DCTN1: variants seen among roughly 807,000 people sequenced by gnomAD.
DCTN1 encodes the protein 150 kDa dynein-associated polypeptide.
Under a neutral mutation model 161.2 loss-of-function variants are expected in DCTN1, and 61 were observed. The observed-to-expected ratio is 0.38, with a 90% CI of 0.31 to 0.47. The LOEUF (loss-of-function observed/expected upper bound fraction) is 0.47. DCTN1 is among the 20% of genes least tolerant of loss of function. The pLI, the probability that DCTN1 is intolerant of heterozygous loss-of-function variation, is 0.99. For synonymous variants in DCTN1, 653 were observed against 632.4 expected (o/e 1.03, Z -0.49); for missense variants, 1,404 against 1,623.7 (o/e 0.86, Z 2.33).
At position 74,370,006 on chromosome 2, in the gene DCTN1, CCAGATT is replaced by C; in HGVS notation, c.1345_1350del (p.Asn449_Leu450del). 1 of 1,614,180 alleles carries C rather than the reference CCAGATT, an allele frequency of 6.2e-7. No individual in the cohort carries two copies. Among genetic ancestry groups the C allele is most frequent in the Non-Finnish European group, 8.5e-7 (1 of 1,180,032 alleles). On this transcript the variant is annotated inframe_deletion, in exon 13 of 32. Transcript: ENST00000628224. The surrounding 1 kb of genome is among the most constrained non-coding windows in gnomAD (Gnocchi z 4.4). Reference sequence around the variant, plus strand: ...TCCCTCAACTCGCGCACTTTCTCTTCCAGATTCAGGTTCCGATCTGTCAGCATCTCC... The same window carrying C: ...TCCCTCAACTCGCGCACTTTCTCTTCCAGGTTCCGATCTGTCAGCATCTCC...
chr2:74,376,046 G>T (rs1675203599), intron 5 of DCTN1, among the ~76,000 whole-genome samples: 4 of 152,182 alleles, frequency 2.6e-5, no homozygotes, highest in African/African-American at 9.7e-5. Flanking sequence ...TGAGGAAGTG[G>T]TCATGGCAGT....
chr2:74,389,277 C>G (rs1675884904), intron 1 of DCTN1, among the ~76,000 whole-genome samples: 1 of 152,060 alleles, frequency 6.6e-6, no homozygotes, highest in Admixed American at 6.6e-5. Flanking sequence ...ATGGCAAGGA[C>G]CTTAATATAG....
At chr2:74,367,226 C>T in intron 19 of DCTN1, 119 bp from the exon 20 acceptor site, 1 of 1,529,564 alleles carries the variant, frequency 6.5e-7, no homozygotes, top group Non-Finnish European at 9.0e-7. Flanking sequence ...CCTCTAGTTT[C>T]CCTGATATGG....
chr2:74,374,151 AGGG>A (rs1326043000), intron 6 of DCTN1, 169 bp downstream of exon 6: 2 of 704,822 alleles, frequency 2.8e-6, no homozygotes, highest in Admixed American at 4.1e-5. Context: ...GCAAATGCCC[AGGG>A]TGTGGGGCAT....
chr2:74,368,151 G>A lies in DCTN1; in HGVS notation c.1855-20C>T, dbSNP rs1264667340. 1.3e-6 allele frequency: 2 copies of A among 1,568,410 alleles called. No individual in the cohort carries two copies. The highest frequency in any genetic ancestry group is 1.7e-6 in the Non-Finnish European group (2 of 1,156,104). On this transcript the variant is annotated intron_variant, in intron 16 of 31. Transcript: ENST00000628224. The stretch of plus-strand genomic sequence containing the variant: ...CTCTGCCTGTGGGAAAAAGCACCAG[G>A]AACCTGGGCCTCAGAGCAGAGGATG...
intron 16 of DCTN1, 172 bp downstream of exon 16, chr2:74,368,556 T>A: frequency 1.1e-6 from 1 of 903,652 alleles, no homozygotes. Flanking sequence ...CTATCTCTCC[T>A]TGAAAACACA....
Position 74,370,374 on chromosome 2 carries a change from G to A in DCTN1, c.1128-29C>T. 1 of 1,614,052 alleles carries A rather than the reference G, an allele frequency of 6.2e-7. No individual in the cohort carries two copies. Among genetic ancestry groups the A allele is most frequent in the Non-Finnish European group, 8.5e-7 (1 of 1,180,038 alleles). On this transcript the variant is annotated intron_variant, in intron 11 of 31. Coordinates refer to ENST00000628224, the MANE Select transcript of DCTN1 (RefSeq NM_004082.5). The surrounding 1 kb of genome is among the most constrained non-coding windows in gnomAD (Gnocchi z 4.4). ...CAGGGATGTGAGGAAGGCAGAAGGA[G>A]GAAAGCACGTGTCAGAGTCTCTGGC...
chr2:74,371,565 G>A lies in DCTN1; in HGVS notation c.617C>T (p.Ala206Val), dbSNP rs1215696548. 6.3e-7 allele frequency: 1 copy of A among 1,583,060 alleles called. No individual in the cohort carries two copies. Among genetic ancestry groups the A allele is most frequent in the South Asian group, 1.2e-5 (1 of 86,582 alleles). The change falls in exon 8 of 32, where the codon GCA becomes GTA. Residue 206 changes from alanine (A) to valine (V), a missense_variant. Around this residue, in one of 9 missense-constraint regions of DCTN1, gnomAD observed 174 missense variants for 175.6 expected, o/e 0.99. Transcript: ENST00000628224. ...GGATGGGGAAGGAAGCGGGGGGACT[G>A]CTCCAGGAGAGGTGAGGACCGGCGT... ...IPTPVLTSPG[A>V]VPPLPSPSKE...
At chr2:74,385,885 G>A (rs1352037312) in intron 1 of DCTN1, 1 of 152,182 alleles carries the variant, frequency 6.6e-6, no homozygotes, top group Non-Finnish European at 1.5e-5. Context: ...TAATCATTAT[G>A]TTATTATATA....
Position 74,365,640 on chromosome 2 carries a change from C to T in DCTN1, c.2904G>A (p.Glu968=), listed in dbSNP as rs754695859. The part of the protein sequence containing the change: ...SLKIKGEELS[E]ANVRLSLLEK... ...CCAGGAGGCTCAGCCGCACATTGGC[C>T]TCACTTAGCTCCTCTCCCTGGACAA... The change falls in exon 25 of 32, where the codon GAG becomes GAA. Residue 968 remains glutamate, a synonymous_variant. Coordinates refer to ENST00000628224, the MANE Select transcript of DCTN1 (RefSeq NM_004082.5). 6 of 1,614,152 alleles carry T rather than the reference C, an allele frequency of 3.7e-6. No homozygotes were observed. In the South Asian group the frequency reaches 5.5e-5, roughly 15 times the overall value.
Position 74,362,128 on chromosome 2 carries a change from T to A in DCTN1, c.3623A>T (p.Lys1208Met). ...TCCAGGGCGCTGAGATACTGTCTCC[T>A]TGAGGACCTCATCCTAGGGAAGGGG... is the stretch of plus-strand genomic sequence containing the variant. Reference protein sequence around the residue: ...TVEKLKDEVLKETVSQRPGAT... With the variant: ...TVEKLKDEVLMETVSQRPGAT... The change falls in exon 31 of 32, where the codon AAG becomes ATG. Residue 1208 changes from lysine to methionine, a missense_variant. By Grantham distance (95) the Lys-to-Met change is moderately conservative (BLOSUM62 -1). This residue lies in a region of DCTN1 where 311 missense variants were observed against 298.9 expected (regional missense o/e 1.04). Coordinates refer to ENST00000628224, the MANE Select transcript of DCTN1 (RefSeq NM_004082.5). 6.2e-7 allele frequency: 1 copy of A among 1,613,730 alleles called. No homozygotes were observed. Among genetic ancestry groups the A allele is most frequent in the African/African-American group, 1.3e-5 (1 of 75,020 alleles).
chr2:74,368,285 A>G, intron 16 of DCTN1, 154 bp from the exon 17 acceptor site: 1 of 1,005,202 alleles, frequency 9.9e-7, no homozygotes, highest in Non-Finnish European at 1.5e-6. Flanking sequence ...GGAATCTTGC[A>G]TGGGGAAAGG....
chr2:74,383,325 C>A (rs1188050583), upstream of DCTN1, among the ~76,000 whole-genome samples: 1 of 152,204 alleles, frequency 6.6e-6, no homozygotes, highest in Non-Finnish European at 1.5e-5. Flanking sequence ...GTAAGTAGCT[C>A]ATGGTCAAAT....
At position 74,361,307 on chromosome 2, in the gene DCTN1, C is replaced by A. The variant is rs1673964308; in HGVS notation, c.*192G>T. The A allele has an allele frequency of 1.2e-6, 1 of 801,484 alleles. No homozygotes were observed. Among genetic ancestry groups the A allele is most frequent in the African/African-American group, 1.7e-5 (1 of 58,922 alleles). 49.6% of individuals were successfully genotyped at this position (801,484 alleles called of 1,614,324 possible). A position where few individuals can be genotyped will look rare whatever the true frequency, so the allele number is the denominator to read the frequency against. On this transcript the variant is annotated 3_prime_UTR_variant, in exon 32 of 32. Coordinates refer to ENST00000628224, the MANE Select transcript of DCTN1 (RefSeq NM_004082.5). ...GTTGAACAACAAATTATGGCAGAGG[C>A]CAGGGAATGGGAGTGGGGGAACCCG...
chr2:74,373,211 C>G, intron 6 of DCTN1: 1 of 542,314 alleles, frequency 1.8e-6, no homozygotes, highest in South Asian at 2.0e-5. Context: ...TTCAGACACC[C>G]CAGAAATCCC....
rs1238095268 is a variant in DCTN1 at position 74,361,582 on chromosome 2, A to G, written c.3754T>C (p.Cys1252Arg). ...TGTCGCTGTCCAAAACCAGCCGCACATGAGAAGGTCACTTTGCCCATGTAG... is the reference window on the plus strand; with the variant it reads ...TGTCGCTGTCCAAAACCAGCCGCACGTGAGAAGGTCACTTTGCCCATGTAG... ...TVYMGKVTFS[C>R]AAGFGQRHRL... The change falls in exon 32 of 32, where the codon TGT becomes CGT. Residue 1252 changes from cysteine (C) to arginine (R), a missense_variant. Physicochemically the swap from Cys to Arg is radical, Grantham distance 180 (BLOSUM62 -3). Transcript: ENST00000628224. 2 of 1,614,152 alleles carry G rather than the reference A, an allele frequency of 1.2e-6. No individual in the cohort carries two copies. Among genetic ancestry groups the G allele is most frequent in the South Asian group, 1.1e-5 (1 of 91,076 alleles).
intron 26 of DCTN1, chr2:74,363,847 G>A: frequency 1.5e-6 from 1 of 653,516 alleles, no homozygotes. Context: ...GAGGCCACAA[G>A]ACAGGGTACA....
At chr2:74,372,531 A>G (rs1338692168) in intron 7 of DCTN1, among the ~76,000 whole-genome samples, 2 of 152,202 alleles carry the variant, frequency 1.3e-5, no homozygotes, top group Non-Finnish European at 2.9e-5. Flanking sequence ...ATCATGTGCA[A>G]TCCTCAGACA....
intron 5 of DCTN1, chr2:74,374,735 T>C: frequency 8.6e-7 from 1 of 1,168,158 alleles, no homozygotes; most frequent in East Asian, 6.0e-5. Flanking sequence ...GTGGAGCCAC[T>C]GCTCCTCAGT....
Sources: gnomAD v4.1 joint callset for allele counts (sites outside exome capture counted in the v4.1 genomes callset) on GRCh38, gnomAD v4.1.1 for gene constraint, gnomAD v4.1.1 regional missense constraint, Gnocchi (gnomAD v3.1) non-coding constraint, MANE v1.5 for transcripts, NCBI Gene and HGNC (gene_info 2026-07-23, HGNC 2026-07-21) for gene names.